Variants in HTR2C observed in about 807,000 individuals in gnomAD.
The protein encoded by HTR2C is 5-hydroxytryptamine receptor 2C, also known as 5-hydroxytryptamine (serotonin) receptor 2C, G protein-coupled.
Under a neutral mutation model 21.0 loss-of-function variants are expected in HTR2C, and 5 were observed. That is an observed-to-expected ratio of 0.24 (90% CI 0.12 to 0.50). The LOEUF (loss-of-function observed/expected upper bound fraction) is 0.50. Ranked by LOEUF, HTR2C falls within the 20% of genes least tolerant of loss-of-function variation. The pLI is 0.98. For synonymous variants in HTR2C, 150 were observed against 145.3 expected (o/e 1.03, Z -0.23); for missense variants, 271 against 371.2 (o/e 0.73, Z 2.22).
intron 1 of HTR2C, among the ~76,000 whole-genome samples, chrX:114,588,076 G>A (rs1244125109): frequency 1.8e-5 from 2 of 112,193 alleles, no homozygotes; most frequent in African/African-American, 6.5e-5. Flanking sequence ...TCTCAGCTGT[G>A]GCTAAGACAG....
At chrX:114,831,726 G>T (rs376536419) in intron 4 of HTR2C, among the ~76,000 whole-genome samples, 4 of 106,822 alleles carry the variant, frequency 3.7e-5, no homozygotes, top group Admixed American at 2.0e-4. Flanking sequence ...GTCAATTTTG[G>T]CTTTTGTTGC....
chrX:114,824,437 T>C (rs1473917418), intron 4 of HTR2C, among the ~76,000 whole-genome samples: 1 of 112,133 alleles, frequency 8.9e-6, no homozygotes, highest in Non-Finnish European at 1.9e-5. Context: ...TAATTGGCTG[T>C]TATACATAAT....
chrX:114,824,426 A>G (rs1418417233), intron 4 of HTR2C, among the ~76,000 whole-genome samples: 1 of 112,211 alleles, frequency 8.9e-6, no homozygotes, highest in Admixed American at 9.5e-5. Context: ...AGCTTTATAA[A>G]TAATTGGCTG....
At chrX:114,835,005 C>G (rs1411598371) in intron 4 of HTR2C, among the ~76,000 whole-genome samples, 1 of 96,337 alleles carries the variant, frequency 1.0e-5, no homozygotes, top group African/African-American at 3.6e-5. Context: ...GTTGAAAATT[C>G]TTTTCTTTAA....
chrX:114,656,654 G>A (rs1930792900), intron 2 of HTR2C, among the ~76,000 whole-genome samples: 1 of 110,261 alleles, frequency 9.1e-6, no homozygotes, highest in Non-Finnish European at 1.9e-5. Context: ...TTTTTTTTCT[G>A]GAATAGGTTT....
At chrX:114,784,680 C>T (rs1246416180) in intron 4 of HTR2C, among the ~76,000 whole-genome samples, 1 of 107,487 alleles carries the variant, frequency 9.3e-6, no homozygotes, top group East Asian at 2.9e-4. Flanking sequence ...AGTGCAGTGG[C>T]GCGATCTCAG....
chrX:114,716,081 A>T (rs1423925011), intron 2 of HTR2C, among the ~76,000 whole-genome samples: 1 of 112,833 alleles, frequency 8.9e-6, no homozygotes, highest in African/African-American at 3.2e-5. Context: ...CTGCTCTTTG[A>T]AAACCTTCAG....
chrX:114,806,742 ATATATATACAC>A (rs2070452275), intron 4 of HTR2C, among the ~76,000 whole-genome samples: 1 of 80,390 alleles, frequency 1.2e-5, no homozygotes, highest in Non-Finnish European at 2.4e-5. Context: ...TATACACACC[ATATATATACAC>A]CATATATATA....
At chrX:114,645,092 ATTGTT>A (rs1431554028) in intron 2 of HTR2C, among the ~76,000 whole-genome samples, 1 of 110,996 alleles carries the variant, frequency 9.0e-6, no homozygotes, top group Non-Finnish European at 1.9e-5. Context: ...TCATACCTCT[ATTGTT>A]TGAGGGCAGG....
chrX:114,623,837 TTATA>T (rs782701898), intron 2 of HTR2C, among the ~76,000 whole-genome samples: 1 of 110,494 alleles, frequency 9.1e-6, no homozygotes, highest in East Asian at 2.8e-4. Flanking sequence ...ATAGTATTAT[TTATA>T]ATGCAATTGA....
intron 5 of HTR2C, among the ~76,000 whole-genome samples, chrX:114,865,643 T>C (rs2071039488): frequency 9.0e-6 from 1 of 111,206 alleles, no homozygotes; most frequent in South Asian, 3.7e-4. Flanking sequence ...GTATTGAGCA[T>C]TTTTTTATGA....
chrX:114,839,167 T>C (rs377206699), intron 4 of HTR2C, among the ~76,000 whole-genome samples: 60 of 112,256 alleles, frequency 5.3e-4, no homozygotes, highest in African/African-American at 1.8e-3. Flanking sequence ...ATATAAGCAC[T>C]TCTATTGTTA....
chrX:114,817,324 T>A (rs1354566798), intron 4 of HTR2C, among the ~76,000 whole-genome samples: 2 of 111,736 alleles, frequency 1.8e-5, no homozygotes, highest in African/African-American at 6.5e-5. Flanking sequence ...TTTCTACAAA[T>A]GCAATTTCTA....
At chrX:114,869,609 C>G (rs782424689) in intron 5 of HTR2C, among the ~76,000 whole-genome samples, 1 of 111,969 alleles carries the variant, frequency 8.9e-6, no homozygotes, top group East Asian at 2.8e-4. Flanking sequence ...CATCTGAAAA[C>G]AAGCATAATT....
rs28428634 is a variant in HTR2C at position 114,601,621 on chromosome X, T to G, written c.-146-12194T>G. On this transcript the variant is annotated intron_variant, in intron 1 of 5. Transcript: ENST00000276198. ...CATCAGTTAAGGTGGGGTAGGGCAT[T>G]TTCACTTCTTTTGTGATTCTTCAGT... Among the ~76,000 whole-genome samples the G allele has an allele frequency of 4.1e-3, 455 of 109,655 alleles. 3 individuals carry two copies. Among genetic ancestry groups the G allele is most frequent in the African/African-American group, 0.015 (438 of 30,158 alleles).
At chrX:114,769,977 T>C (rs2069984381) in intron 4 of HTR2C, among the ~76,000 whole-genome samples, 1 of 111,915 alleles carries the variant, frequency 8.9e-6, no homozygotes, top group Non-Finnish European at 1.9e-5. Flanking sequence ...GAAATAGTTT[T>C]ACTGGAAATA....
At chrX:114,735,186 G>T (rs1313838079) in intron 4 of HTR2C, among the ~76,000 whole-genome samples, 2 of 110,521 alleles carry the variant, frequency 1.8e-5, no homozygotes, top group African/African-American at 6.6e-5. Context: ...GTATGGTGCT[G>T]CCTGCCCGTA....
chrX:114,749,453 CAAAAAAAAA>C (rs782652879), intron 4 of HTR2C, among the ~76,000 whole-genome samples: 1 of 41,906 alleles, frequency 2.4e-5, no homozygotes, highest in Admixed American at 4.7e-4. Context: ...GTCCATGTCT[CAAAAAAAAA>C]AAAAAAAAAA....
At chrX:114,595,957 T>G (rs1556392509) in intron 1 of HTR2C, among the ~76,000 whole-genome samples, 1 of 112,313 alleles carries the variant, frequency 8.9e-6, no homozygotes, top group African/African-American at 3.2e-5. Context: ...TTCAACTTAT[T>G]ATGACTTCTC....
Sources: gnomAD v4.1 joint callset for allele counts (sites outside exome capture counted in the v4.1 genomes callset) on GRCh38, gnomAD v4.1.1 for gene constraint, MANE v1.5 for transcripts, NCBI Gene and HGNC (gene_info 2026-07-23, HGNC 2026-07-21) for gene names.